DIP2B: variants seen among roughly 807,000 people sequenced by gnomAD.
The protein encoded by DIP2B is DIP2 acetate--CoA ligase B (putative), also known as disco-interacting protein 2 homolog B.
A neutral mutation model predicts 198.0 loss-of-function variants in DIP2B; 76 were observed. The observed-to-expected ratio is 0.38, with a 90% CI of 0.32 to 0.46. DIP2B has a LOEUF of 0.46. Among genes scored for constraint, DIP2B ranks in the 20% least tolerant of loss-of-function variants. The pLI is 0.99. For missense variants in DIP2B, 1,559 were observed against 1,978.4 expected, an observed-to-expected ratio of 0.79 and a Z score of 4.02; for synonymous variants, 701 against 739.1, an observed-to-expected ratio of 0.95 and a Z score of 0.84.
chr12:50,686,108 AC>A, intron 11 of DIP2B, 152 bp downstream of exon 11: 2 of 844,834 alleles, frequency 2.4e-6, no homozygotes, highest in Non-Finnish European at 3.4e-6. Flanking sequence ...TCCCCATTTT[AC>A]AAGTGAGGAA....
At chr12:50,726,945 T>C (rs953847656) in intron 28 of DIP2B, among the ~76,000 whole-genome samples, 1 of 152,036 alleles carries the variant, frequency 6.6e-6, no homozygotes, top group African/African-American at 2.4e-5. Flanking sequence ...AGACCTCACC[T>C]CTACAAAAAA....
At chr12:50,680,809 TCTAATATG>T in intron 9 of DIP2B, 46 bp downstream of exon 9, 1 of 1,493,578 alleles carries the variant, frequency 6.7e-7, no homozygotes, top group Non-Finnish European at 9.3e-7. Context: ...TTTATTGTTT[TCTAATATG>T]CTAATATTCT....
rs368973227 is a variant in DIP2B at position 50,700,207 on chromosome 12, C to T, written c.2325+1005C>T. 3.9e-5 allele frequency among the ~76,000 whole-genome samples: 6 copies of T among 152,202 alleles called. No individual in the cohort carries two copies. In the East Asian group the frequency reaches 5.8e-4, roughly 15 times the overall value. ...GGGGCCAGCACATTCTAGCTAGACT[C>T]GCACACGGTTTTCCTGCAGGCACTT... is the stretch of plus-strand genomic sequence containing the variant. On this transcript the variant is annotated intron_variant, in intron 19 of 37. Transcript: ENST00000301180.
At chr12:50,630,054 A>G (rs1938015549) in intron 2 of DIP2B, among the ~76,000 whole-genome samples, 1 of 150,362 alleles carries the variant, frequency 6.7e-6, no homozygotes. Flanking sequence ...GGTTCAAGCG[A>G]TTCTCCTGCC....
intron 19 of DIP2B, among the ~76,000 whole-genome samples, chr12:50,701,192 GTGA>G (rs1242905368): frequency 6.6e-6 from 1 of 152,240 alleles, no homozygotes; most frequent in African/African-American, 2.4e-5. Flanking sequence ...TATAAATTTA[GTGA>G]TAGTGAAGTA....
rs1048293592 is a variant in DIP2B, at chr12:50,747,510, G to A, written c.*2671G>A. The A allele has an allele frequency of 3.3e-5, 5 of 152,346 alleles. No homozygotes were observed. The highest frequency in any genetic ancestry group is 1.2e-4 in the African/African-American group (5 of 41,576). The allele number at this position is 152,346 out of a possible 1,614,324, so 9.4% of individuals were successfully genotyped here. A position where few individuals can be genotyped will look rare whatever the true frequency, so the allele number is the denominator to read the frequency against. On this transcript the variant is annotated 3_prime_UTR_variant, in exon 38 of 38. Coordinates refer to ENST00000301180, the MANE Select transcript of DIP2B (RefSeq NM_173602.3). ...AGAGGAGAGCCCAGTCATTTGCTTA[G>A]ATGGTGTTTGTGGGATCACCTGCAG... is the stretch of plus-strand genomic sequence containing the variant.
At chr12:50,552,390 C>A (rs1395045661) in intron 1 of DIP2B, among the ~76,000 whole-genome samples, 1 of 151,872 alleles carries the variant, frequency 6.6e-6, no homozygotes, top group African/African-American at 2.4e-5. Context: ...CCTCAGCCTC[C>A]CGAGTAGCTG....
chr12:50,513,202 A>G (rs989258594), intron 1 of DIP2B, among the ~76,000 whole-genome samples: 2 of 152,182 alleles, frequency 1.3e-5, no homozygotes. Context: ...GAATAAGGTT[A>G]TATATGAAGT....
chr12:50,714,210 A>G (rs1485655426), intron 22 of DIP2B, among the ~76,000 whole-genome samples, 185 bp from the exon 23 acceptor site: 1 of 152,204 alleles, frequency 6.6e-6, no homozygotes, highest in Non-Finnish European at 1.5e-5. Flanking sequence ...CAGCTGAAAG[A>G]TGTGTATTAT....
intron 2 of DIP2B, among the ~76,000 whole-genome samples, chr12:50,639,484 A>G (rs1033805784): frequency 1.7e-4 from 26 of 151,816 alleles, no homozygotes; most frequent in African/African-American, 6.0e-4. Flanking sequence ...TTTAAATGAT[A>G]TAACATTGTC....
At chr12:50,699,332 T>A in intron 19 of DIP2B, 130 bp downstream of exon 19, 1 of 1,360,918 alleles carries the variant, frequency 7.3e-7, no homozygotes, top group Non-Finnish European at 1.0e-6. Flanking sequence ...TAGACTTGCC[T>A]AAGTTCAAAT....
At chr12:50,698,274 A>G (rs1939353715) in intron 17 of DIP2B, 54 bp from the exon 18 acceptor site, 1 of 1,565,388 alleles carries the variant, frequency 6.4e-7, no homozygotes, top group Non-Finnish European at 8.7e-7. Context: ...ATGTATTTGT[A>G]TTTTTCCCTT....
chr12:50,620,803 G>A (rs1937797015), intron 1 of DIP2B, among the ~76,000 whole-genome samples: 1 of 152,172 alleles, frequency 6.6e-6, no homozygotes, highest in Non-Finnish European at 1.5e-5. Context: ...GAGGTTCTGT[G>A]CTCTCCCTTG....
chr12:50,735,098 C>T lies in DIP2B; in HGVS notation c.4069C>T (p.Pro1357Ser). ...GGTTCGTCTCGTGGAACGTGGCGCCCCTCAGAGTTTGCTTCTCTCAGAGTC... is the reference window on the plus strand; with the variant it reads ...GGTTCGTCTCGTGGAACGTGGCGCCTCTCAGAGTTTGCTTCTCTCAGAGTC... ...DRVRLVERGA[P>S]QSLLLSESGK... The change falls in exon 34 of 38, where the codon CCT becomes TCT. Residue 1357 changes from proline to serine, a missense_variant. Pro to Ser is a moderately conservative substitution (Grantham distance 74). Transcript: ENST00000301180. 1 of 1,614,098 alleles carries T rather than the reference C, an allele frequency of 6.2e-7. No individual in the cohort carries two copies. Among genetic ancestry groups the T allele is most frequent in the Non-Finnish European group, 8.5e-7 (1 of 1,180,018 alleles).
intron 22 of DIP2B, 73 bp from the exon 23 acceptor site, chr12:50,714,322 A>G: frequency 1.3e-6 from 2 of 1,566,398 alleles, no homozygotes; most frequent in East Asian, 2.3e-5. Flanking sequence ...GCGTAAAATA[A>G]TGGATTATAC....
intron 1 of DIP2B, among the ~76,000 whole-genome samples, chr12:50,620,264 G>A (rs966787782): frequency 1.3e-5 from 2 of 152,120 alleles, no homozygotes; most frequent in African/African-American, 2.4e-5. Context: ...GCAGGCTCAC[G>A]CACGCCTCCT....
chr12:50,733,274 A>G (rs1940081095), intron 32 of DIP2B, among the ~76,000 whole-genome samples: 1 of 148,400 alleles, frequency 6.7e-6, no homozygotes, highest in Non-Finnish European at 1.5e-5. Flanking sequence ...TTTTTTTTCC[A>G]AACAATAACC....
rs1939518438 is a variant in DIP2B, at chr12:50,706,650, C to T, written c.2519C>T (p.Thr840Ile). ...ATGLAVESIKTVYRGRIAVFS... is the reference protein window; with the variant it reads ...ATGLAVESIKIVYRGRIAVFS... ...GGATTGGCTGTAGAATCAATAAAGA[C>T]TGTTTATAGAGGAAGGTGAGTAGTA... Residue 840 changes from threonine to isoleucine, a missense_variant, in exon 21 of 38, where the codon ACT becomes ATT. Coordinates refer to ENST00000301180, the MANE Select transcript of DIP2B (RefSeq NM_173602.3). 2 of 1,613,838 alleles carry T rather than the reference C, an allele frequency of 1.2e-6. No individual in the cohort carries two copies. The highest frequency in any genetic ancestry group is 3.3e-5 in the Admixed American group (2 of 59,986).
Position 50,602,939 on chromosome 12 carries a change from C to T in DIP2B, c.101-23037C>T, listed in dbSNP as rs562643237. ...CAGCACTTTGGGAGGCCGAGGTGGG[C>T]AGATCACAAGGTCAGGAGATTGAGA... On this transcript the variant is annotated intron_variant, in intron 1 of 37. Transcript: ENST00000301180. 1.5e-4 allele frequency among the ~76,000 whole-genome samples: 22 copies of T among 148,984 alleles called. No homozygotes were observed. The South Asian group carries it at 4.7e-3, about 32-fold the overall frequency.
Sources: allele counts gnomAD v4.1 joint callset (sites outside exome capture counted in the v4.1 genomes callset), GRCh38; gene constraint gnomAD v4.1.1; transcripts MANE v1.5; gene names NCBI Gene and HGNC (gene_info 2026-07-23, HGNC 2026-07-21).